The following AIFM1 variants were observed in gnomAD, a reference collection of about 807,000 sequenced individuals.
AIFM1 encodes apoptosis-inducing factor 1, mitochondrial.
In AIFM1, 3 loss-of-function variants were observed where a neutral mutation model predicts 51.7. The observed-to-expected ratio is 0.06, with a 90% CI of 0.03 to 0.15. The LOEUF is 0.15. Ranked by LOEUF, AIFM1 falls within the 10% of genes least tolerant of loss-of-function variation. The pLI is 1.00. For missense variants in AIFM1, 330 were observed against 476.8 expected (o/e 0.69, Z 2.87); for synonymous variants, 178 against 179.4 (o/e 0.99, Z 0.06).
rs1334577252 is a variant in AIFM1, at chrX:130,136,664, G to A, written c.1143C>T (p.Ile381=). 8.3e-7 allele frequency: 1 copy of A among 1,210,311 alleles called. No individual in the cohort carries two copies. Among genetic ancestry groups the A allele is most frequent in the Admixed American group, 2.2e-5 (1 of 45,896 alleles). The change falls in exon 11 of 16, where the codon ATC becomes ATT. Residue 381 remains isoleucine, a synonymous_variant. Coordinates refer to ENST00000287295, the MANE Select transcript of AIFM1 (RefSeq NM_004208.4). Reference sequence around the variant, plus strand: ...TTACCTTCCTGCCGTCTTTCAGCTTGATAAGTAACTTGCCACTGCTGACTC... The same window carrying A: ...TTACCTTCCTGCCGTCTTTCAGCTTAATAAGTAACTTGCCACTGCTGACTC... ...SVGVSSGKLL[I]KLKDGRKVET...
intron 12 of AIFM1, among the ~76,000 whole-genome samples, chrX:130,134,326 C>A: frequency 9.0e-6 from 1 of 111,128 alleles, no homozygotes; most frequent in East Asian, 2.8e-4. Context: ...ACTTCCTGTT[C>A]TTTCCTTAAC....
At chrX:130,134,033 C>T (rs759244491) in intron 12 of AIFM1, among the ~76,000 whole-genome samples, 111 of 110,195 alleles carry the variant, frequency 1.0e-3, no homozygotes, top group Non-Finnish European at 2.0e-3. Flanking sequence ...ACAAGGAGTT[C>T]GAGACAAGCC....
At chrX:130,133,870 A>T (rs1171846866) in intron 12 of AIFM1, among the ~76,000 whole-genome samples, 1 of 108,506 alleles carries the variant, frequency 9.2e-6, no homozygotes, top group Admixed American at 9.9e-5. Flanking sequence ...GGGCTCAAGC[A>T]ATGTGCCTGC....
At chrX:130,138,381 C>T (rs1049352137) in intron 9 of AIFM1, among the ~76,000 whole-genome samples, 3 of 111,396 alleles carry the variant, frequency 2.7e-5, no homozygotes, top group Non-Finnish European at 3.8e-5. Context: ...AGGAGAATGG[C>T]CTGAACCCGG....
At chrX:130,156,961 A>G (rs2031186415) in intron 1 of AIFM1, among the ~76,000 whole-genome samples, 1 of 111,902 alleles carries the variant, frequency 8.9e-6, no homozygotes, top group Non-Finnish European at 1.9e-5. Flanking sequence ...TACAAAGTTA[A>G]CCATGGGCTA....
chrX:130,150,577 T>G (rs1442780657), intron 2 of AIFM1, among the ~76,000 whole-genome samples: 1 of 105,685 alleles, frequency 9.5e-6, no homozygotes, highest in Non-Finnish European at 2.0e-5. Context: ...CCTCGTGATC[T>G]GCCCGCCTCG....
At chrX:130,154,244 G>T (rs1262192545) in intron 2 of AIFM1, among the ~76,000 whole-genome samples, 1 of 112,007 alleles carries the variant, frequency 8.9e-6, no homozygotes, top group Non-Finnish European at 1.9e-5. Context: ...TCTAAGGCAG[G>T]AGAAAGGAAC....
intron 1 of AIFM1, among the ~76,000 whole-genome samples, chrX:130,164,114 G>C (rs984639136): frequency 1.9e-5 from 2 of 105,778 alleles, no homozygotes; most frequent in African/African-American, 6.9e-5. Context: ...ATTGCAGTGA[G>C]CCGAGATCGC....
chrX:130,164,248 C>T (rs1479671269), intron 1 of AIFM1, among the ~76,000 whole-genome samples: 3 of 111,172 alleles, frequency 2.7e-5, no homozygotes. Flanking sequence ...ATACACAAAA[C>T]CCTCAAAGAT....
intron 10 of AIFM1, 59 bp downstream of exon 10, chrX:130,137,019 T>C: frequency 1.7e-6 from 2 of 1,210,495 alleles, no homozygotes; most frequent in South Asian, 1.8e-5. Context: ...GAAGCGAAGT[T>C]TGCCTTAGGT....
chrX:130,143,600 C>T (rs1472931374), intron 6 of AIFM1, among the ~76,000 whole-genome samples: 2 of 110,662 alleles, frequency 1.8e-5, no homozygotes, highest in East Asian at 5.7e-4. Context: ...CCTGTAATCT[C>T]AGCACTTTGG....
intron 1 of AIFM1, among the ~76,000 whole-genome samples, chrX:130,161,701 G>A (rs1297051120): frequency 9.7e-6 from 1 of 102,830 alleles, no homozygotes; most frequent in Non-Finnish European, 2.0e-5. Flanking sequence ...TCCACTTCCC[G>A]GGTTCAAGCA....
intron 13 of AIFM1, among the ~76,000 whole-genome samples, chrX:130,132,357 T>C (rs1455308069): frequency 8.9e-6 from 1 of 112,553 alleles, no homozygotes; most frequent in Non-Finnish European, 1.9e-5. Flanking sequence ...GAAACGTTCT[T>C]GAATTTATTC....
In AIFM1 at chrX:130,139,877, A is replaced by C. The variant is rs761207292; in HGVS notation, c.782-6T>G. 3.3e-6 allele frequency: 4 copies of C among 1,202,845 alleles called. No individual in the cohort carries two copies. The highest frequency in any genetic ancestry group is 5.9e-5 in the East Asian group (2 of 33,733). On this transcript the variant is annotated splice_region_variant and splice_polypyrimidine_tract_variant and intron_variant, in intron 7 of 15. Transcript: ENST00000287295. ...CAGACTTCTTGGAGTACCTCCTGGAAATAAGAGAAGGAAAACCCTTTAGCC... is the reference window on the plus strand; with the variant it reads ...CAGACTTCTTGGAGTACCTCCTGGACATAAGAGAAGGAAAACCCTTTAGCC...
At position 130,147,867 on chromosome X, in the gene AIFM1, C is replaced by T. The variant is rs1164027365; in HGVS notation, c.359G>A (p.Gly120Glu). ...QKKAALSASEGEEVPQDKAPS... is the reference protein window; with the variant it reads ...QKKAALSASEEEEVPQDKAPS... ...CGCCTTGTCTTGAGGAACTTCCTCT[C>T]CTTCTGAAGCTGAAAGCAACAGAAC... Residue 120 changes from glycine to glutamate, a missense_variant, in exon 4 of 16, where the codon GGA becomes GAA. Transcript: ENST00000287295. 5 of 1,211,641 alleles carry T rather than the reference C, an allele frequency of 4.1e-6. No homozygotes were observed. The highest frequency in any genetic ancestry group is 4.5e-6 in the Non-Finnish European group (4 of 895,461).
intron 1 of AIFM1, among the ~76,000 whole-genome samples, chrX:130,157,663 T>C (rs967380158): frequency 4.5e-5 from 5 of 112,180 alleles, no homozygotes; most frequent in Non-Finnish European, 9.4e-5. Context: ...TTCTTTTTTT[T>C]TTCAGCCGTT....
chrX:130,155,037 A>G lies in AIFM1; in HGVS notation c.249+1424T>C, dbSNP rs148519394. On this transcript the variant is annotated intron_variant, in intron 2 of 15. Coordinates refer to ENST00000287295, the MANE Select transcript of AIFM1 (RefSeq NM_004208.4). ...AGTGACTGACAATGTCCCTTTAATA[A>G]ACACCTAGAGAAAGCACATGCTGTG... 2,221 of 950,685 alleles carry G rather than the reference A, an allele frequency of 2.3e-3. 34 individuals carry two copies. In the African/African-American group the frequency reaches 0.037, roughly 16 times the overall value. The allele number at this position is 950,685 out of a possible 1,213,427, so 78.3% of individuals were successfully genotyped here.
rs1216886553 is a variant in AIFM1 at position 130,165,632 on chromosome X, C to A, written c.25G>T (p.Ala9Ser). MFRCGGLAAGALKQKLVPL... is the reference protein window; with the variant it reads MFRCGGLASGALKQKLVPL... ...ACCAGCTTCTGCTTCAAAGCACCCG[C>A]CGCCAGGCCTCCACACCGGAACATT... The change falls in exon 1 of 16, where the codon GCG (alanine) becomes TCG (serine). Residue 9 changes from alanine (A) to serine (S), a missense_variant. This residue lies in a region of AIFM1 where 110 missense variants were observed against 103.1 expected (regional missense o/e 1.07). Transcript: ENST00000287295. 1.7e-6 allele frequency: 2 copies of A among 1,200,304 alleles called. No individual in the cohort carries two copies.
rs773200122 is a variant in AIFM1 at position 130,137,108 on chromosome X, T to C, written c.1045A>G (p.Ser349Gly). The C allele has an allele frequency of 8.3e-6, 10 of 1,211,374 alleles. No individual in the cohort carries two copies. The highest frequency in any genetic ancestry group is 2.3e-4 in the Middle Eastern group (1 of 4,346). ...NMGKILPEYLSNWTMEKVRRE... is the reference protein window; with the variant it reads ...NMGKILPEYLGNWTMEKVRRE... ...CTGACTTTTTCCATGGTCCAGTTGC[T>C]GAGGTATTCGGGGAGGATCTTTCCC... Residue 349 changes from serine (S) to glycine (G), a missense_variant, in exon 10 of 16, where the codon AGC becomes GGC. By Grantham distance (56) the Ser-to-Gly change is moderately conservative. Around this residue, in one of 4 missense-constraint regions of AIFM1, gnomAD observed 152 missense variants for 292.8 expected, o/e 0.52. Transcript: ENST00000287295.
Sources: allele counts gnomAD v4.1 joint callset (sites outside exome capture counted in the v4.1 genomes callset), GRCh38; gene constraint gnomAD v4.1.1; regional missense constraint gnomAD v4.1.1; transcripts MANE v1.5; gene names NCBI Gene and HGNC (gene_info 2026-07-23, HGNC 2026-07-21).